MID1: variants seen among roughly 807,000 people sequenced by gnomAD.
MID1 encodes the protein midline 1.
Under a neutral mutation model 40.4 loss-of-function variants are expected in MID1, and 7 were observed. The ratio of observed to expected loss-of-function variants is 0.17; its 90% confidence interval spans 0.10 to 0.33. The LOEUF (loss-of-function observed/expected upper bound fraction) is 0.33, where lower values mean the gene tolerates loss of function less well. Among genes scored for constraint, MID1 ranks in the 10% least tolerant of loss-of-function variants. The pLI is 1.00. For missense variants in MID1, 367 were observed against 558.5 expected, an observed-to-expected ratio of 0.66 and a Z score of 3.46; for synonymous variants, 229 against 221.2, an observed-to-expected ratio of 1.04 and a Z score of -0.31.
At chrX:10,501,365 C>A in intron 3 of MID1, 1 of 1,092,383 alleles carries the variant, frequency 9.2e-7, no homozygotes, top group Non-Finnish European at 1.2e-6. Context: ...GTCACTTTCA[C>A]CTCATCTCAT....
chrX:10,448,645 C>T lies in MID1; in HGVS notation c.*723G>A, dbSNP rs1928143060. 1.8e-5 allele frequency: 2 copies of T among 112,056 alleles called. No individual in the cohort carries two copies. The highest frequency in any genetic ancestry group is 7.5e-4 in the South Asian group (2 of 2,679). The allele number at this position is 112,056 out of a possible 1,213,427, so 9.2% of individuals were successfully genotyped here. On this transcript the variant is annotated 3_prime_UTR_variant, in exon 10 of 10. Coordinates refer to ENST00000317552, the MANE Select transcript of MID1 (RefSeq NM_000381.4). ...TTGCAATCTCATTCTTAATGTTCTT[C>T]CAGAACCCTTAACCCTGAGAGAAGC...
rs561960644 is a variant in MID1 at position 10,822,006 on chromosome X, C to T, written c.-187+11548G>A. 4.1e-4 allele frequency among the ~76,000 whole-genome samples: 45 copies of T among 110,769 alleles called. No homozygotes were observed. In the South Asian group the frequency reaches 0.016, roughly 40 times the overall value. On this transcript the variant is annotated intron_variant, in intron 1 of 10. Transcript: ENST00000380785. ...AACATCTCTTGCTGATCTTTTTTTT[C>T]TCATTTTTTTTTCTTTTCTTTTCTC...
chrX:10,580,837 G>A (rs5978410), intron 1 of MID1, among the ~76,000 whole-genome samples: 2,762 of 107,715 alleles, frequency 0.026, 99 homozygotes, highest in African/African-American at 0.089. Context: ...TTTCCCTCTG[G>A]CATGCTTTCA....
intron 1 of MID1, among the ~76,000 whole-genome samples, chrX:10,754,331 T>G (rs1044849992): frequency 9.1e-6 from 1 of 110,313 alleles, no homozygotes; most frequent in Non-Finnish European, 1.9e-5. Context: ...TTGTTTTTTT[T>G]GTCATCTGTC....
chrX:10,498,490 T>C (rs1164263311), intron 3 of MID1, among the ~76,000 whole-genome samples: 2 of 112,004 alleles, frequency 1.8e-5, no homozygotes, highest in Non-Finnish European at 3.8e-5. Flanking sequence ...AAATGTGCAG[T>C]TTTGTGGGTT....
intron 1 of MID1, among the ~76,000 whole-genome samples, chrX:10,782,715 C>A (rs2147133483): frequency 8.9e-6 from 1 of 112,094 alleles, no homozygotes; most frequent in African/African-American, 3.2e-5. Context: ...AATTTTGTAG[C>A]TTTTAAAATA....
chrX:10,649,599 GA>G (rs1415883359), intron 1 of MID1, among the ~76,000 whole-genome samples: 1 of 111,807 alleles, frequency 8.9e-6, no homozygotes, highest in East Asian at 2.8e-4. Context: ...ATCTAAGTAA[GA>G]AAATAAGCAA....
At chrX:10,664,154 GTTTGTTTC>G (rs1352211653) in intron 1 of MID1, among the ~76,000 whole-genome samples, 3 of 101,821 alleles carry the variant, frequency 2.9e-5, no homozygotes, top group African/African-American at 1.3e-4. Flanking sequence ...GTGTGTATCT[GTTTGTTTC>G]TTTGTTTGTT....
At chrX:10,718,673 G>T (rs1214906486) in intron 1 of MID1, among the ~76,000 whole-genome samples, 1 of 111,870 alleles carries the variant, frequency 8.9e-6, no homozygotes, top group African/African-American at 3.3e-5. Context: ...TAGAAAAAGA[G>T]GGAATCCTCC....
intron 4 of MID1, among the ~76,000 whole-genome samples, chrX:10,487,939 G>T (rs1930708990): frequency 9.1e-6 from 1 of 109,419 alleles, no homozygotes; most frequent in Non-Finnish European, 1.9e-5. Context: ...TTCTAGTTTG[G>T]GGCTATTACA....
intron 1 of MID1, among the ~76,000 whole-genome samples, chrX:10,605,283 T>C (rs996351543): frequency 4.5e-5 from 5 of 111,856 alleles, no homozygotes; most frequent in African/African-American, 1.6e-4. Flanking sequence ...TTAATTAACC[T>C]CTTGGTCTAT....
At chrX:10,803,549 C>T (rs2044024269) in intron 1 of MID1, among the ~76,000 whole-genome samples, 1 of 110,485 alleles carries the variant, frequency 9.1e-6, no homozygotes, top group Non-Finnish European at 1.9e-5. Flanking sequence ...GACGGGGTTT[C>T]ATCATGTTGG....
intron 1 of MID1, among the ~76,000 whole-genome samples, chrX:10,714,054 G>C (rs1027123839): frequency 8.9e-6 from 1 of 111,845 alleles, no homozygotes; most frequent in African/African-American, 3.3e-5. Context: ...TACCACTGCA[G>C]CACCATTAAA....
At chrX:10,461,138 T>TACACACACACACACACACACACAC (rs200040870) in intron 7 of MID1, among the ~76,000 whole-genome samples, 187 of 96,696 alleles carry the variant, frequency 1.9e-3, no homozygotes, top group African/African-American at 6.5e-3. Flanking sequence ...TATCTAAAGA[T>TACACACACACACACACACACACAC]ACACACACAC....
In MID1 at chrX:10,533,391, A is replaced by AG. The variant is rs1156280706; in HGVS notation, c.661-10205_661-10204insC. On this transcript the variant is annotated intron_variant, in intron 2 of 9. Transcript: ENST00000317552. ...AAGAAAGAAAGAAAAAGAAAGAAAGAAAAGAAAGAAAGAAAGAAAGAAAGA... is the reference window on the plus strand; with the variant it reads ...AAGAAAGAAAGAAAAAGAAAGAAAGAGAAAGAAAGAAAGAAAGAAAGAAAGA... Among the ~76,000 whole-genome samples, 200 of 54,993 alleles carry AG rather than the reference A, an allele frequency of 3.6e-3. 1 individual carries two copies. The highest frequency in any genetic ancestry group is 0.011 in the East Asian group (14 of 1,284). 47.8% of individuals were successfully genotyped at this position (54,993 alleles called of 115,157 possible). A position where few individuals can be genotyped will look rare whatever the true frequency, so the allele number is the denominator to read the frequency against.
chrX:10,445,863 C>G lies in MID1; in HGVS notation c.*3505G>C, dbSNP rs889086851. 7 of 111,327 alleles carry G rather than the reference C, an allele frequency of 6.3e-5. No homozygotes were observed. Among genetic ancestry groups the G allele is most frequent in the Non-Finnish European group, 3.8e-5 (2 of 53,097 alleles). 9.2% of individuals were successfully genotyped at this position (111,327 alleles called of 1,213,427 possible). A position where few individuals can be genotyped will look rare whatever the true frequency, so the allele number is the denominator to read the frequency against. On this transcript the variant is annotated 3_prime_UTR_variant, in exon 10 of 10. Coordinates refer to ENST00000317552, the MANE Select transcript of MID1 (RefSeq NM_000381.4). Reference sequence around the variant, plus strand: ...AGTGTAGGTGAATTGGTGCCCCTCCCCTTTTCTTTTTGGGTGTATCAAGCA... The same window carrying G: ...AGTGTAGGTGAATTGGTGCCCCTCCGCTTTTCTTTTTGGGTGTATCAAGCA...
chrX:10,777,713 G>T (rs917646231), intron 1 of MID1, among the ~76,000 whole-genome samples: 1 of 110,249 alleles, frequency 9.1e-6, no homozygotes, highest in Non-Finnish European at 1.9e-5. Context: ...GCTAATTTTT[G>T]TATTTTTAGT....
chrX:10,828,673 C>T (rs1304155171), intron 1 of MID1, among the ~76,000 whole-genome samples: 1 of 111,733 alleles, frequency 8.9e-6, no homozygotes. Context: ...TGGTGTAAGA[C>T]ATTAGAAGGT....
At chrX:10,486,737 C>A (rs760774032) in intron 4 of MID1, among the ~76,000 whole-genome samples, 2 of 112,514 alleles carry the variant, frequency 1.8e-5, no homozygotes, top group African/African-American at 3.2e-5. Context: ...AAAAGTGAAG[C>A]ATTCCATACA....
Sources: gnomAD v4.1 joint callset for allele counts (sites outside exome capture counted in the v4.1 genomes callset) on GRCh38, gnomAD v4.1.1 for gene constraint, MANE v1.5 for transcripts, NCBI Gene and HGNC (gene_info 2026-07-23, HGNC 2026-07-21) for gene names.